Variants in GALNTL5 observed in about 807,000 individuals in gnomAD.
GALNTL5 encodes polypeptide N-acetylgalactosaminyltransferase like 5, also known as inactive polypeptide N-acetylgalactosaminyltransferase-like protein 5.
GALNTL5 carries 44 observed loss-of-function variants against 51.0 expected under a neutral mutation model. The ratio of observed to expected loss-of-function variants is 0.86; its 90% confidence interval spans 0.68 to 1.11. GALNTL5 has a LOEUF of 1.11. Among genes scored for constraint, GALNTL5 ranks in the 50% least tolerant of loss-of-function variants. The pLI, the probability that GALNTL5 is intolerant of heterozygous loss-of-function variation, is 0.00. For synonymous variants in GALNTL5, 192 were observed against 182.8 expected (o/e 1.05, Z -0.41); for missense variants, 528 against 531.8 (o/e 0.99, Z 0.07).
In GALNTL5 at chr7:152,002,970, T is replaced by TTTC; in HGVS notation, c.908+12_908+14dup. 1 of 1,611,298 alleles carries TTTC rather than the reference T, an allele frequency of 6.2e-7. No homozygotes were observed. Among genetic ancestry groups the TTTC allele is most frequent in the Non-Finnish European group, 8.5e-7 (1 of 1,177,936 alleles). On this transcript the variant is annotated splice_region_variant and intron_variant, in intron 6 of 8. Transcript: ENST00000392800. ...GATCTACTAAACCAATCCGGTGAGA[T>TTTC]TTCTTCTGGTTTTGGAAAAATATAG... is the stretch of plus-strand genomic sequence containing the variant.
At chr7:151,987,778 A>G (rs2081378022) in intron 5 of GALNTL5, among the ~76,000 whole-genome samples, 1 of 152,260 alleles carries the variant, frequency 6.6e-6, no homozygotes, top group African/African-American at 2.4e-5. Context: ...GGAGGAGGAC[A>G]GAGAAGGAAG....
chr7:151,958,358 AG>A (rs1316383840), intron 1 of GALNTL5, among the ~76,000 whole-genome samples: 2 of 152,190 alleles, frequency 1.3e-5, no homozygotes, highest in Non-Finnish European at 2.9e-5. Flanking sequence ...CATCTGGATG[AG>A]GGGGAACATG....
At chr7:152,005,638 C>T (rs1323469035) in intron 6 of GALNTL5, among the ~76,000 whole-genome samples, 2 of 152,122 alleles carry the variant, frequency 1.3e-5, no homozygotes, top group African/African-American at 2.4e-5. Context: ...CTAAACCAAT[C>T]TGGTGAGATT....
chr7:152,016,193 T>C (rs373779677), intron 8 of GALNTL5, among the ~76,000 whole-genome samples: 1 of 151,960 alleles, frequency 6.6e-6, no homozygotes, highest in Non-Finnish European at 1.5e-5. Context: ...TCACCTGAGG[T>C]TGGGAGTTCA....
At position 151,980,737 on chromosome 7, in the gene GALNTL5, ATTT is replaced by A. The variant is rs61288964; in HGVS notation, c.369-2225_369-2223del. The stretch of plus-strand genomic sequence containing the variant: ...CCGTGTGATTGCAGTGCTAACAATG[ATTT>A]TTTTTTTTTTTTTTTTTTTTTTTGA... On this transcript the variant is annotated intron_variant, in intron 3 of 8. Transcript: ENST00000392800. 8.8e-3 allele frequency among the ~76,000 whole-genome samples: 870 copies of A among 98,784 alleles called. 7 individuals are homozygous for A. The highest frequency in any genetic ancestry group is 0.039 in the African/African-American group (826 of 21,010). 64.8% of individuals were successfully genotyped at this position (98,784 alleles called of 152,430 possible). A position where few individuals can be genotyped will look rare whatever the true frequency, so the allele number is the denominator to read the frequency against.
intron 8 of GALNTL5, among the ~76,000 whole-genome samples, chr7:152,015,170 C>T (rs2081791086): frequency 6.6e-6 from 1 of 152,140 alleles, no homozygotes; most frequent in African/African-American, 2.4e-5. Context: ...TCATCCTAAG[C>T]TGCTACTCTT....
At chr7:152,015,117 C>T (rs533064149) in intron 8 of GALNTL5, among the ~76,000 whole-genome samples, 1 of 152,086 alleles carries the variant, frequency 6.6e-6, no homozygotes, top group East Asian at 1.9e-4. Flanking sequence ...AATACAGCAC[C>T]CCTCTAACCC....
intron 3 of GALNTL5, among the ~76,000 whole-genome samples, chr7:151,975,120 C>T (rs982613629): frequency 6.6e-6 from 1 of 151,840 alleles, no homozygotes; most frequent in African/African-American, 2.4e-5. Context: ...GTGTTTCTTC[C>T]TCCTTAATTT....
intron 3 of GALNTL5, among the ~76,000 whole-genome samples, chr7:151,975,493 T>C (rs534718149): frequency 6.6e-6 from 1 of 152,182 alleles, no homozygotes; most frequent in Admixed American, 6.5e-5. Flanking sequence ...TCAAATTTGC[T>C]TATCCTTTTA....
intron 1 of GALNTL5, chr7:151,960,519 A>T (rs193140778): frequency 6.6e-6 from 1 of 152,368 alleles, no homozygotes; most frequent in Admixed American, 6.5e-5. Context: ...TGCATGGAAA[A>T]CTTTATTCGG....
chr7:151,971,473 T>C (rs921641419), intron 3 of GALNTL5, among the ~76,000 whole-genome samples: 3 of 152,364 alleles, frequency 2.0e-5, no homozygotes, highest in Non-Finnish European at 2.9e-5. Context: ...TTAATAATTA[T>C]TATGTTAATG....
intron 7 of GALNTL5, among the ~76,000 whole-genome samples, chr7:152,010,603 T>C (rs1586853349): frequency 6.6e-6 from 1 of 151,772 alleles, no homozygotes; most frequent in Non-Finnish European, 1.5e-5. Flanking sequence ...CCCCGTCTCT[T>C]CTAATAATAC....
At chr7:151,991,933 C>T (rs2081433312) in intron 5 of GALNTL5, among the ~76,000 whole-genome samples, 1 of 152,018 alleles carries the variant, frequency 6.6e-6, no homozygotes, top group South Asian at 2.1e-4. Flanking sequence ...TTCAGATCTG[C>T]TTTTATATTC....
chr7:151,982,923 G>C, intron 3 of GALNTL5, 63 bp from the exon 4 acceptor site: 1 of 1,612,188 alleles, frequency 6.2e-7, no homozygotes, highest in Non-Finnish European at 8.5e-7. Flanking sequence ...GTGTTTGAAC[G>C]AGATGACACA....
In GALNTL5 at chr7:152,002,700, T is replaced by A. The variant is rs773605890; in HGVS notation, c.659-14T>A. On this transcript the variant is annotated splice_polypyrimidine_tract_variant and intron_variant, in intron 5 of 8. Coordinates refer to ENST00000392800, the MANE Select transcript of GALNTL5 (RefSeq NM_145292.4). ...GCTATGTGGACTAACATTGCCCTGT[T>A]CTTGCCTCCCCAGGGGATGTTCTGG... is the stretch of plus-strand genomic sequence containing the variant. The A allele has an allele frequency of 4.3e-6, 7 of 1,613,682 alleles. No homozygotes were observed. The South Asian group carries it at 5.5e-5, about 13-fold the overall frequency.
Position 151,967,455 on chromosome 7 carries a change from T to A in GALNTL5, c.209T>A (p.Val70Asp), listed in dbSNP as rs1312817284. 6.2e-7 allele frequency: 1 copy of A among 1,613,990 alleles called. No homozygotes were observed. The highest frequency in any genetic ancestry group is 8.5e-7 in the Non-Finnish European group (1 of 1,179,900). ...CAAATACCAAAACCTCATGTAATAG[T>A]CAAAAGGACTGATGAAGATAAAGCA... ...SEQIPKPHVI[V>D]KRTDEDKAKS... The change falls in exon 2 of 9, where the codon GTC becomes GAC. Residue 70 changes from valine to aspartate, a missense_variant. Physicochemically the swap from Val to Asp is radical, Grantham distance 152. Transcript: ENST00000392800.
At chr7:152,011,350 G>T (rs1411574185) in intron 7 of GALNTL5, among the ~76,000 whole-genome samples, 3 of 152,252 alleles carry the variant, frequency 2.0e-5, no homozygotes, top group Non-Finnish European at 2.9e-5. Context: ...GTCTCTGAAT[G>T]GTTCTGGTAA....
intron 1 of GALNTL5, among the ~76,000 whole-genome samples, chr7:151,966,411 G>A (rs1196082808): frequency 6.6e-6 from 1 of 152,030 alleles, no homozygotes; most frequent in Non-Finnish European, 1.5e-5. Context: ...GGGATTACAG[G>A]TGCCTGCCAC....
intron 7 of GALNTL5, among the ~76,000 whole-genome samples, chr7:152,013,101 G>A (rs1015442504): frequency 6.6e-6 from 1 of 152,128 alleles, no homozygotes; most frequent in African/African-American, 2.4e-5. Context: ...AGGAACGGAA[G>A]ACTAAATACT....
Sources: gnomAD v4.1 joint callset for allele counts (sites outside exome capture counted in the v4.1 genomes callset) on GRCh38, gnomAD v4.1.1 for gene constraint, MANE v1.5 for transcripts, NCBI Gene and HGNC (gene_info 2026-07-23, HGNC 2026-07-21) for gene names.